Variants in CSMD3 observed in about 807,000 individuals in gnomAD.
CSMD3 encodes the protein CUB and sushi domain-containing protein 3.
CSMD3 carries 177 observed loss-of-function variants against 435.2 expected under a neutral mutation model. The observed-to-expected ratio is 0.41, with a 90% confidence interval of 0.36 to 0.46. The LOEUF (loss-of-function observed/expected upper bound fraction) is 0.46, where lower values mean the gene tolerates loss of function less well. Ranked by LOEUF, CSMD3 falls within the 20% of genes least tolerant of loss-of-function variation. The pLI is 0.34. For synonymous variants in CSMD3, 1,656 were observed against 1,520.5 expected (o/e 1.09, Z -2.07); for missense variants, 4,265 against 4,504.6 (o/e 0.95, Z 1.52).
chr8:113,185,276 G>C (rs2131952014), intron 3 of CSMD3, among the ~76,000 whole-genome samples: 1 of 151,976 alleles, frequency 6.6e-6, no homozygotes, highest in East Asian at 1.9e-4. Context: ...TGCAGTCCTG[G>C]TCCTAGGACC....
At chr8:112,270,326 T>TA (rs1016830938) in intron 59 of CSMD3, among the ~76,000 whole-genome samples, 31 of 132,852 alleles carry the variant, frequency 2.3e-4, no homozygotes, top group Non-Finnish European at 4.1e-4. Flanking sequence ...CTAGAATTTC[T>TA]AAAAAACAGA....
At chr8:112,545,028 T>C (rs1483343645) in intron 27 of CSMD3, among the ~76,000 whole-genome samples, 1 of 152,178 alleles carries the variant, frequency 6.6e-6, no homozygotes, top group East Asian at 1.9e-4. Flanking sequence ...AATCAACTGC[T>C]CAGTCTCTAT....
At chr8:113,144,722 C>T (rs181303142) in intron 4 of CSMD3, among the ~76,000 whole-genome samples, 51 of 151,400 alleles carry the variant, frequency 3.4e-4, no homozygotes, top group Non-Finnish European at 5.3e-4. Context: ...TATATTAAGG[C>T]GCAATATATA....
intron 28 of CSMD3, among the ~76,000 whole-genome samples, chr8:112,508,001 T>C (rs1319826280): frequency 6.6e-6 from 1 of 152,148 alleles, no homozygotes; most frequent in Non-Finnish European, 1.5e-5. Context: ...TGCTTCGATG[T>C]TCTGTAGTCC....
chr8:113,287,731 T>C (rs2093657132), intron 2 of CSMD3, among the ~76,000 whole-genome samples: 1 of 151,952 alleles, frequency 6.6e-6, no homozygotes, highest in Non-Finnish European at 1.5e-5. Context: ...TCAGAAAGTT[T>C]TAGAGGTGAG....
At chr8:112,935,686 C>A (rs10216764) in intron 9 of CSMD3, among the ~76,000 whole-genome samples, 4 of 148,430 alleles carry the variant, frequency 2.7e-5, no homozygotes, top group African/African-American at 9.9e-5. Context: ...GAAGAATGAT[C>A]CAAAATGAGC....
chr8:113,302,500 T>A (rs1244878557), intron 2 of CSMD3, among the ~76,000 whole-genome samples: 2 of 151,258 alleles, frequency 1.3e-5, no homozygotes, highest in East Asian at 1.9e-4. Flanking sequence ...TTTGAAGAGT[T>A]AATCTAAAAT....
At chr8:112,506,016 T>G (rs568415168) in intron 29 of CSMD3, among the ~76,000 whole-genome samples, 15 of 152,132 alleles carry the variant, frequency 9.9e-5, no homozygotes, top group Non-Finnish European at 1.3e-4. Context: ...TGATGTTTCC[T>G]CAATTGAGAA....
At position 113,015,142 on chromosome 8, in the gene CSMD3, T is replaced by C. The variant is rs140723120; in HGVS notation, c.1030+3925A>G. 3.6e-3 allele frequency among the ~76,000 whole-genome samples: 555 copies of C among 152,222 alleles called. 2 individuals carry two copies. The highest frequency in any genetic ancestry group is 0.013 in the African/African-American group (535 of 41,564). ...GGATGAACTATGCCAAAGTTACTTG[T>C]TTTTGACTGAAACAATGGGCATCTA... On this transcript the variant is annotated intron_variant, in intron 6 of 70. Coordinates refer to ENST00000297405, the MANE Select transcript of CSMD3 (RefSeq NM_198123.2).
At chr8:112,792,081 A>G (rs1221781368) in intron 13 of CSMD3, among the ~76,000 whole-genome samples, 4 of 152,134 alleles carry the variant, frequency 2.6e-5, no homozygotes, top group Non-Finnish European at 4.4e-5. Flanking sequence ...TTCTGAATAC[A>G]GGTCCTTTAT....
chr8:112,368,530 T>A (rs901540931), intron 38 of CSMD3, among the ~76,000 whole-genome samples: 1 of 152,194 alleles, frequency 6.6e-6, no homozygotes. Context: ...ATGTCCTTAC[T>A]CTTAATTAGT....
intron 32 of CSMD3, among the ~76,000 whole-genome samples, chr8:112,420,492 T>G (rs998864350): frequency 6.6e-6 from 1 of 151,874 alleles, no homozygotes; most frequent in Non-Finnish European, 1.5e-5. Context: ...AGTCTTTTTA[T>G]AGTTAGTTTA....
chr8:113,041,217 A>AAGG (rs1564244286), intron 5 of CSMD3, among the ~76,000 whole-genome samples: 4 of 21,492 alleles, frequency 1.9e-4, no homozygotes, highest in Admixed American at 6.5e-4. Context: ...AAAAAAAAAA[A>AAGG]GGGGGGGGTG....
At chr8:112,804,526 A>G (rs749307419) in intron 12 of CSMD3, among the ~76,000 whole-genome samples, 1 of 152,138 alleles carries the variant, frequency 6.6e-6, no homozygotes, top group African/African-American at 2.4e-5. Context: ...TAAGGGAATC[A>G]GGAAAGCCCA....
Position 113,198,074 on chromosome 8 carries a change from A to G in CSMD3, c.515-24158T>C, listed in dbSNP as rs577284571. Among the ~76,000 whole-genome samples the G allele has an allele frequency of 1.6e-4, 24 of 151,500 alleles. 1 individual carries two copies. In the East Asian group the frequency reaches 4.7e-3, roughly 29 times the overall value. Reference sequence around the variant, plus strand: ...GAATACCTATTTATTTCTGTAATACATCTAAAAAGATTAATGCAAACTTCA... The same window carrying G: ...GAATACCTATTTATTTCTGTAATACGTCTAAAAAGATTAATGCAAACTTCA... On this transcript the variant is annotated intron_variant, in intron 3 of 70. Transcript: ENST00000297405.
In CSMD3 at chr8:112,306,014, G is replaced by A. The variant is rs2130786194; in HGVS notation, c.8064C>T (p.Arg2688=). Residue 2688 remains arginine, a synonymous_variant, in exon 51 of 71, where the codon CGC becomes CGT. Transcript: ENST00000297405. The part of the protein sequence containing the change: ...GTWSNHNKTP[R]CVVVTCPSIN... Reference sequence around the variant, plus strand: ...TTCCCTTGACACACATACCAACACAGCGAGGGGTCTTGTTATGATTGCTCC... The same window carrying A: ...TTCCCTTGACACACATACCAACACAACGAGGGGTCTTGTTATGATTGCTCC... The A allele has an allele frequency of 6.2e-7, 1 of 1,612,906 alleles. No individual in the cohort carries two copies. Among genetic ancestry groups the A allele is most frequent in the Non-Finnish European group, 8.5e-7 (1 of 1,179,004 alleles).
In CSMD3 at chr8:112,292,504, T is replaced by C. The variant is rs753025467; in HGVS notation, c.8788+33A>G. On this transcript the variant is annotated intron_variant, in intron 55 of 70. Coordinates refer to ENST00000297405, the MANE Select transcript of CSMD3 (RefSeq NM_198123.2). ...GATGTTTATGTGAATATTATTATCA[T>C]GCCACCAAATGGGAATATACTTAGA... is the stretch of plus-strand genomic sequence containing the variant. The C allele has an allele frequency of 1.4e-5, 23 of 1,603,816 alleles. No homozygotes were observed. The South Asian group carries it at 2.1e-4, about 15-fold the overall frequency.
At chr8:112,667,537 T>G (rs2075555518) in intron 16 of CSMD3, among the ~76,000 whole-genome samples, 1 of 152,086 alleles carries the variant, frequency 6.6e-6, no homozygotes, top group Non-Finnish European at 1.5e-5. Context: ...AGTGATTTTT[T>G]TTTCTTTTTA....
At chr8:112,319,700 A>G (rs1233794545) in intron 46 of CSMD3, among the ~76,000 whole-genome samples, 2 of 152,168 alleles carry the variant, frequency 1.3e-5, no homozygotes, top group African/African-American at 4.8e-5. Context: ...CATTCCAGAA[A>G]AACAAAATTA....
Sources: allele counts gnomAD v4.1 joint callset (sites outside exome capture counted in the v4.1 genomes callset), GRCh38; gene constraint gnomAD v4.1.1; transcripts MANE v1.5; gene names NCBI Gene and HGNC (gene_info 2026-07-23, HGNC 2026-07-21).